Variants in TOMM20 observed in about 807,000 individuals in gnomAD.
TOMM20 encodes the protein translocase of outer mitochondrial membrane 20.
A neutral mutation model predicts 22.1 loss-of-function variants in TOMM20; 10 were observed. The observed-to-expected ratio is 0.45, with a 90% CI of 0.28 to 0.77. The LOEUF is 0.77. Among genes scored for constraint, TOMM20 ranks in the 30% least tolerant of loss-of-function variants. TOMM20 has a pLI of 0.13. For synonymous variants in TOMM20, 55 were observed against 61.4 expected (o/e 0.90, Z 0.49); for missense variants, 121 against 172.2 (o/e 0.70, Z 1.66).
intron 3 of TOMM20, chr1:235,119,320 T>C (rs926923167): frequency 6.6e-6 from 1 of 152,230 alleles, no homozygotes; most frequent in Non-Finnish European, 1.5e-5. Flanking sequence ...GGTTCTGAAA[T>C]AAGGGGTCAT....
intron 1 of TOMM20, among the ~76,000 whole-genome samples, chr1:235,126,434 A>T (rs540263946): frequency 6.6e-6 from 1 of 152,020 alleles, no homozygotes; most frequent in East Asian, 1.9e-4. Flanking sequence ...ACCCAGCCTC[A>T]ATTACCTGTG....
Position 235,111,885 on chromosome 1 carries a change from T to C in TOMM20, c.*179A>G, listed in dbSNP as rs547093948. 123 of 620,302 alleles carry C rather than the reference T, an allele frequency of 2.0e-4. No homozygotes were observed. The African/African-American group carries it at 2.1e-3, about 11-fold the overall frequency. 38.4% of individuals were successfully genotyped at this position (620,302 alleles called of 1,614,324 possible). A position where few individuals can be genotyped will look rare whatever the true frequency, so the allele number is the denominator to read the frequency against. On this transcript the variant is annotated 3_prime_UTR_variant, in exon 5 of 5. Transcript: ENST00000366607. Reference sequence around the variant, plus strand: ...AAAAGTTCTCTATCAAAATACACTTTTCACTGGGAAAAATAAATAAAATAG... The same window carrying C: ...AAAAGTTCTCTATCAAAATACACTTCTCACTGGGAAAAATAAATAAAATAG...
At chr1:235,118,027 T>C (rs1327191229) in intron 3 of TOMM20, among the ~76,000 whole-genome samples, 1 of 152,224 alleles carries the variant, frequency 6.6e-6, no homozygotes. Flanking sequence ...CACTTTAGAA[T>C]TACAGTAATC....
rs962778483 is a variant in TOMM20 at position 235,111,785 on chromosome 1, TTAAC to T, written c.*275_*278del. The T allele has an allele frequency of 1.2e-4, 41 of 346,668 alleles. 1 individual carries two copies. Among genetic ancestry groups the T allele is most frequent in the South Asian group, 3.3e-4 (9 of 27,460 alleles). The allele number at this position is 346,668 out of a possible 1,614,324, so 21.5% of individuals were successfully genotyped here. On this transcript the variant is annotated 3_prime_UTR_variant, in exon 5 of 5. Transcript: ENST00000366607. ...ACATAAGCCATGTCATATGTACAGT[TTAAC>T]TATGTAACTATGTTTCAGGAATAAA...
At chr1:235,121,770 T>C (rs189273120) in intron 2 of TOMM20, among the ~76,000 whole-genome samples, 12 of 152,302 alleles carry the variant, frequency 7.9e-5, no homozygotes, top group African/African-American at 2.2e-4. Flanking sequence ...TTTTACCAAG[T>C]AGATAAACCT....
At chr1:235,125,170 C>A (rs1660989656) in intron 1 of TOMM20, among the ~76,000 whole-genome samples, 1 of 152,158 alleles carries the variant, frequency 6.6e-6, no homozygotes, top group South Asian at 2.1e-4. Flanking sequence ...CCAAATTTAA[C>A]CTCAAGCCTC....
At chr1:235,128,282 A>T (rs1661067175) in intron 1 of TOMM20, among the ~76,000 whole-genome samples, 1 of 152,290 alleles carries the variant, frequency 6.6e-6, no homozygotes, top group Non-Finnish European at 1.5e-5. Context: ...AGGTTTAAAA[A>T]GATGAACGAC....
At position 235,109,879 on chromosome 1, in the gene TOMM20, T is replaced by C. The variant is rs7930; in HGVS notation, c.*2185A>G. The C allele has an allele frequency of 0.17, 26,481 of 152,202 alleles. 2,586 individuals are homozygous for C. Among genetic ancestry groups the C allele is most frequent in the Middle Eastern group, 0.25 (73 of 294 alleles). 9.4% of individuals were successfully genotyped at this position (152,202 alleles called of 1,614,324 possible). ...AGTTCACTGAGATCTGGGGTTTTTT[T>C]GTTCTCACCTGCTGAGCACCATTTG... On this transcript the variant is annotated 3_prime_UTR_variant, in exon 5 of 5. Coordinates refer to ENST00000366607, the MANE Select transcript of TOMM20 (RefSeq NM_014765.3).
intron 3 of TOMM20, among the ~76,000 whole-genome samples, chr1:235,116,853 G>T (rs574281804): frequency 1.3e-5 from 2 of 151,918 alleles, no homozygotes; most frequent in African/African-American, 2.4e-5. Flanking sequence ...AGTAAGAATG[G>T]GGCTGGGCAC....
At chr1:235,117,849 T>C (rs908154009) in intron 3 of TOMM20, among the ~76,000 whole-genome samples, 8 of 151,882 alleles carry the variant, frequency 5.3e-5, no homozygotes, top group Middle Eastern at 3.4e-3. Flanking sequence ...AGGACTATGA[T>C]TGTCCCATCT....
At chr1:235,124,230 C>T (rs1244167621) in intron 1 of TOMM20, among the ~76,000 whole-genome samples, 3 of 152,220 alleles carry the variant, frequency 2.0e-5, no homozygotes, top group Non-Finnish European at 4.4e-5. Flanking sequence ...GCCTGTAGTC[C>T]TAGCTACTCG....
intron 2 of TOMM20, among the ~76,000 whole-genome samples, chr1:235,120,890 C>A (rs952597653): frequency 7.2e-6 from 1 of 139,046 alleles, no homozygotes; most frequent in African/African-American, 2.7e-5. Context: ...AAAAAAGAGG[C>A]CATTTTTATT....
In TOMM20 at chr1:235,111,071, TAA is replaced by T. The variant is rs1185007443; in HGVS notation, c.*991_*992del. The T allele has an allele frequency of 6.6e-6, 1 of 152,174 alleles. No homozygotes were observed. The highest frequency in any genetic ancestry group is 1.5e-5 in the Non-Finnish European group (1 of 68,032). 9.4% of individuals were successfully genotyped at this position (152,174 alleles called of 1,614,324 possible). A position where few individuals can be genotyped will look rare whatever the true frequency, so the allele number is the denominator to read the frequency against. On this transcript the variant is annotated 3_prime_UTR_variant, in exon 5 of 5. Coordinates refer to ENST00000366607, the MANE Select transcript of TOMM20 (RefSeq NM_014765.3). ...TACAAGCAGATCATCCCAGTTACCT[TAA>T]AAGTTTCGGATTAATTTACAGAGTA...
intron 3 of TOMM20, among the ~76,000 whole-genome samples, chr1:235,116,936 C>T (rs529082322): frequency 3.3e-4 from 49 of 149,426 alleles, no homozygotes; most frequent in Non-Finnish European, 2.4e-4. Context: ...GAGATCGAGA[C>T]CATCCTGGCT....
chr1:235,113,920 T>G lies in TOMM20; in HGVS notation c.251-10A>C. 1 of 1,554,684 alleles carries G rather than the reference T, an allele frequency of 6.4e-7. No individual in the cohort carries two copies. Among genetic ancestry groups the G allele is most frequent in the Non-Finnish European group, 8.7e-7 (1 of 1,148,096 alleles). On this transcript the variant is annotated splice_polypyrimidine_tract_variant and intron_variant, in intron 3 of 4. Transcript: ENST00000366607. ...CCCTTCTCATATTCACCTGTAAGAT[T>G]TACATAAAATTACATGTAACCTGAA...
At chr1:235,117,298 A>T (rs1390682418) in intron 3 of TOMM20, among the ~76,000 whole-genome samples, 1 of 151,402 alleles carries the variant, frequency 6.6e-6, no homozygotes, top group African/African-American at 2.4e-5. Flanking sequence ...CCTACCAAAA[A>T]TAGGAAAAAA....
At chr1:235,125,207 T>C (rs1396011710) in intron 1 of TOMM20, among the ~76,000 whole-genome samples, 3 of 108,886 alleles carry the variant, frequency 2.8e-5, no homozygotes, top group Non-Finnish European at 6.2e-5. Flanking sequence ...GGCTCTCTTC[T>C]TTTATTTTTT....
chr1:235,117,134 CAAAAAAAAAAAAAA>C lies in TOMM20; in HGVS notation c.250+2670_250+2683del, dbSNP rs869235889. ...TGGGCGACAGAGCGAGACTCCATCT[CAAAAAAAAAAAAAA>C]AAAAAAAAAAAAAAAAAGAGTAAGA... On this transcript the variant is annotated intron_variant, in intron 3 of 4. Transcript: ENST00000366607. Among the ~76,000 whole-genome samples, 121 of 30,392 alleles carry C rather than the reference CAAAAAAAAAAAAAA, an allele frequency of 4.0e-3. 3 individuals carry two copies. The highest frequency in any genetic ancestry group is 0.012 in the African/African-American group (97 of 7,780). The allele number at this position is 30,392 out of a possible 152,430, so 19.9% of individuals were successfully genotyped here. A position where few individuals can be genotyped will look rare whatever the true frequency, so the allele number is the denominator to read the frequency against.
intron 1 of TOMM20, among the ~76,000 whole-genome samples, chr1:235,125,341 A>G (rs1660992900): frequency 6.6e-6 from 1 of 152,078 alleles, no homozygotes; most frequent in African/African-American, 2.4e-5. Context: ...CAGCCTCCCC[A>G]GTAGGTGGGA....
Sources: allele counts gnomAD v4.1 joint callset (sites outside exome capture counted in the v4.1 genomes callset), GRCh38; gene constraint gnomAD v4.1.1; transcripts MANE v1.5; gene names NCBI Gene and HGNC (gene_info 2026-07-23, HGNC 2026-07-21).